The following CNOT6 variants were observed in gnomAD, a reference collection of about 807,000 sequenced individuals.
CNOT6 encodes carbon catabolite repression 4 protein.
A neutral mutation model predicts 61.2 loss-of-function variants in CNOT6; 12 were observed. The observed-to-expected ratio is 0.20, with a 90% CI of 0.13 to 0.32. CNOT6 has a LOEUF of 0.32. Ranked by LOEUF, CNOT6 falls within the 10% of genes least tolerant of loss-of-function variation. The probability of loss-of-function intolerance (pLI) is 1.00; values close to 1 mark genes in which losing one functional copy is unlikely to be tolerated. For missense variants in CNOT6, 405 were observed against 663.9 expected, an observed-to-expected ratio of 0.61 and a Z score of 4.28; for synonymous variants, 225 against 240.6, an observed-to-expected ratio of 0.94 and a Z score of 0.60.
intron 1 of CNOT6, among the ~76,000 whole-genome samples, chr5:180,522,798 A>C (rs988959675): frequency 2.0e-5 from 3 of 152,140 alleles, no homozygotes; most frequent in African/African-American, 7.2e-5. Flanking sequence ...GGGAGAGGGC[A>C]TGGAAGCTCT....
chr5:180,566,009 T>C lies in CNOT6; in HGVS notation c.717+32T>C, dbSNP rs199926551. 6.6e-4 allele frequency: 1,035 copies of C among 1,577,624 alleles called. 1 individual carries two copies. Among genetic ancestry groups the C allele is most frequent in the Non-Finnish European group, 8.4e-4 (975 of 1,158,656 alleles). ...CAGACAGAAGACAGTCAACCTAGCATTGATAAAGGAAGGAGCAACTAGGAA... is the reference window on the plus strand; with the variant it reads ...CAGACAGAAGACAGTCAACCTAGCACTGATAAAGGAAGGAGCAACTAGGAA... On this transcript the variant is annotated intron_variant, in intron 7 of 11. Transcript: ENST00000261951.
rs75157632 is a variant in CNOT6, at chr5:180,547,696, T to A, written c.113-2235T>A. Among the ~76,000 whole-genome samples the A allele has an allele frequency of 3.7e-3, 563 of 152,316 alleles. 3 individuals carry two copies. The highest frequency in any genetic ancestry group is 0.012 in the African/African-American group (507 of 41,570). On this transcript the variant is annotated intron_variant, in intron 2 of 11. Transcript: ENST00000261951. The stretch of plus-strand genomic sequence containing the variant: ...GTTAAGATGTACATGTAATTTTCTT[T>A]TATGAAATTTTCATACGTTTGAGTT...
At chr5:180,539,121 G>A (rs6876372) in intron 2 of CNOT6, among the ~76,000 whole-genome samples, 24,858 of 147,910 alleles carry the variant, frequency 0.17, 2,186 homozygotes, top group Non-Finnish European at 0.19. Flanking sequence ...GTTGCAGTGA[G>A]CTGAGATCAT....
At chr5:180,514,375 T>G (rs1351893937) in intron 1 of CNOT6, among the ~76,000 whole-genome samples, 1 of 152,206 alleles carries the variant, frequency 6.6e-6, no homozygotes, top group Non-Finnish European at 1.5e-5. Flanking sequence ...TGAGCCGAGA[T>G]AGCGCCACTG....
chr5:180,569,071 G>C, intron 9 of CNOT6, 39 bp from the exon 10 acceptor site: 1 of 1,502,672 alleles, frequency 6.7e-7, no homozygotes, highest in South Asian at 1.2e-5. Context: ...TGATGGGCGG[G>C]TTTTGTCTCT....
intron 1 of CNOT6, among the ~76,000 whole-genome samples, chr5:180,518,600 C>T (rs1468354018): frequency 6.6e-6 from 1 of 152,080 alleles, no homozygotes; most frequent in African/African-American, 2.4e-5. Context: ...CTCACTGTAG[C>T]CTTGACCTCC....
At chr5:180,520,328 G>A (rs1334843580) in intron 1 of CNOT6, among the ~76,000 whole-genome samples, 1 of 152,148 alleles carries the variant, frequency 6.6e-6, no homozygotes, top group African/African-American at 2.4e-5. Context: ...AGAGCACTGG[G>A]ATCTGGGCTT....
At chr5:180,522,380 C>T (rs1934447348) in intron 1 of CNOT6, among the ~76,000 whole-genome samples, 1 of 152,030 alleles carries the variant, frequency 6.6e-6, no homozygotes, top group African/African-American at 2.4e-5. Context: ...CCCCAAAATG[C>T]TGGGATTGTA....
rs945425323 is a variant in CNOT6, at chr5:180,552,104, A to G, written c.300-1282A>G. On this transcript the variant is annotated intron_variant, in intron 3 of 11. Transcript: ENST00000261951. ...GGCTAGTCTCAAACTCCTGACCTCA[A>G]ATGATCTGCCTGCCTCGGCCTCCCA... 1.2e-4 allele frequency among the ~76,000 whole-genome samples: 18 copies of G among 151,824 alleles called. 2 individuals carry two copies. The highest frequency in any genetic ancestry group is 4.3e-4 in the African/African-American group (18 of 41,454).
At chr5:180,503,533 G>A (rs1161866834) in intron 1 of CNOT6, among the ~76,000 whole-genome samples, 2 of 151,346 alleles carry the variant, frequency 1.3e-5, no homozygotes, top group South Asian at 2.1e-4. Context: ...CCAAAGTGCT[G>A]GGATTATAGG....
At chr5:180,526,883 CT>C (rs11366709) in intron 1 of CNOT6, among the ~76,000 whole-genome samples, 62,234 of 138,264 alleles carry the variant, frequency 0.45, 13,581 homozygotes, top group Non-Finnish European at 0.54. Context: ...AACCGTAAAA[CT>C]TTTTTTTTTT....
chr5:180,514,171 C>T (rs1396485670), intron 1 of CNOT6, among the ~76,000 whole-genome samples: 1 of 151,962 alleles, frequency 6.6e-6, no homozygotes, highest in Non-Finnish European at 1.5e-5. Flanking sequence ...TCACCGTAAT[C>T]CCAGCACTTT....
At chr5:180,506,250 T>A (rs2127697040) in intron 1 of CNOT6, among the ~76,000 whole-genome samples, 1 of 152,318 alleles carries the variant, frequency 6.6e-6, no homozygotes, top group African/African-American at 2.4e-5. Flanking sequence ...TGGGTTGCTG[T>A]GAGAATTAAA....
chr5:180,499,922 G>C (rs1044059195), intron 1 of CNOT6, among the ~76,000 whole-genome samples: 2 of 152,104 alleles, frequency 1.3e-5, no homozygotes, highest in African/African-American at 4.8e-5. Context: ...GTGGGTGTTT[G>C]AAGTGTGTTT....
At chr5:180,518,819 T>C (rs1418424213) in intron 1 of CNOT6, among the ~76,000 whole-genome samples, 1 of 152,228 alleles carries the variant, frequency 6.6e-6, no homozygotes, top group Non-Finnish European at 1.5e-5. Flanking sequence ...TTCCTTGATT[T>C]ATAAACGCGC....
Position 180,575,405 on chromosome 5 carries a change from A to G in CNOT6, c.*1205A>G, listed in dbSNP as rs971076243. 1.3e-5 allele frequency: 2 copies of G among 150,674 alleles called. No homozygotes were observed. Among genetic ancestry groups the G allele is most frequent in the Admixed American group, 1.3e-4 (2 of 15,156 alleles). The allele number at this position is 150,674 out of a possible 1,614,324, so 9.3% of individuals were successfully genotyped here. A position where few individuals can be genotyped will look rare whatever the true frequency, so the allele number is the denominator to read the frequency against. On this transcript the variant is annotated 3_prime_UTR_variant, in exon 12 of 12. Transcript: ENST00000261951. ...TGTGCTGCTTGTCACCCAGAATACT[A>G]CTATCATGTGAATTCTTTTTGTCGT...
intron 2 of CNOT6, among the ~76,000 whole-genome samples, chr5:180,541,286 G>A (rs141809635): frequency 7.6e-4 from 114 of 150,330 alleles, no homozygotes; most frequent in African/African-American, 2.3e-3. Context: ...TTACAGGTGC[G>A]CACCACCACA....
At chr5:180,546,053 G>T (rs140236173) in intron 2 of CNOT6, among the ~76,000 whole-genome samples, 2,000 of 151,204 alleles carry the variant, frequency 0.013, 31 homozygotes, top group Admixed American at 0.042. Flanking sequence ...ACAGAGTCTT[G>T]CTTGGCTAAT....
chr5:180,500,797 A>G (rs1397685668), intron 1 of CNOT6, among the ~76,000 whole-genome samples: 2 of 152,186 alleles, frequency 1.3e-5, no homozygotes, highest in Non-Finnish European at 2.9e-5. Flanking sequence ...AAATGAACCA[A>G]TAGAGTACTC....
Sources: gnomAD v4.1 joint callset for allele counts (sites outside exome capture counted in the v4.1 genomes callset) on GRCh38, gnomAD v4.1.1 for gene constraint, MANE v1.5 for transcripts, NCBI Gene and HGNC (gene_info 2026-07-23, HGNC 2026-07-21) for gene names.